Variants in CTNNA3 observed in about 807,000 individuals in gnomAD.
CTNNA3 encodes catenin alpha 3.
A neutral mutation model predicts 95.7 loss-of-function variants in CTNNA3; 76 were observed. The ratio of observed to expected loss-of-function variants is 0.79; its 90% CI spans 0.66 to 0.96. The LOEUF is 0.96. Ranked by LOEUF, CTNNA3 falls within the 40% of genes least tolerant of loss-of-function variation. The pLI is 0.00. For missense variants in CTNNA3, 1,191 were observed against 1,089.8 expected (o/e 1.09, Z -1.31); for synonymous variants, 431 against 374.4 (o/e 1.15, Z -1.74).
At chr10:67,738,398 A>C (rs997591928) in intron 1 of CTNNA3, among the ~76,000 whole-genome samples, 5 of 152,236 alleles carry the variant, frequency 3.3e-5, no homozygotes, top group Non-Finnish European at 5.9e-5. Context: ...AAGGAATAGC[A>C]ACATCAACAA....
At chr10:66,706,954 A>G (rs1848138322) in intron 9 of CTNNA3, among the ~76,000 whole-genome samples, 2 of 152,106 alleles carry the variant, frequency 1.3e-5, no homozygotes, top group Admixed American at 1.3e-4. Context: ...AGACATTGCA[A>G]AACACTATAA....
At chr10:67,047,706 T>C (rs996333949) in intron 7 of CTNNA3, among the ~76,000 whole-genome samples, 5 of 152,146 alleles carry the variant, frequency 3.3e-5, no homozygotes, top group African/African-American at 1.2e-4. Context: ...TTTCACATAC[T>C]AAAATAATTA....
chr10:65,987,483 T>A (rs1375432546), intron 16 of CTNNA3, among the ~76,000 whole-genome samples: 1 of 151,988 alleles, frequency 6.6e-6, no homozygotes, highest in African/African-American at 2.4e-5. Context: ...TAAGATATCA[T>A]CTTACCCCAA....
intron 16 of CTNNA3, among the ~76,000 whole-genome samples, chr10:65,980,104 GA>G (rs2078287784): frequency 6.6e-6 from 1 of 151,910 alleles, no homozygotes; most frequent in African/African-American, 2.4e-5. Context: ...AAAGAAGACA[GA>G]AGGTCCAGAT....
Position 66,189,108 on chromosome 10 carries a change from T to C in CTNNA3, c.1885-85859A>G, listed in dbSNP as rs182928996. The stretch of plus-strand genomic sequence containing the variant: ...TTGCTATCAAGTTGGATAATTCCCA[T>C]ATATATTGGATACTAACACCCAATT... On this transcript the variant is annotated intron_variant, in intron 13 of 17. Transcript: ENST00000433211. Among the ~76,000 whole-genome samples, 1,354 of 152,230 alleles carry C rather than the reference T, an allele frequency of 8.9e-3. 9 individuals carry two copies. The highest frequency in any genetic ancestry group is 0.041 in the Middle Eastern group (12 of 294).
intron 14 of CTNNA3, among the ~76,000 whole-genome samples, chr10:66,100,933 C>T (rs1462340560): frequency 1.3e-5 from 2 of 152,112 alleles, no homozygotes; most frequent in African/African-American, 2.4e-5. Context: ...AAGTCTTCAT[C>T]GTCTACAAGT....
chr10:67,128,936 A>G (rs16924103), intron 7 of CTNNA3, among the ~76,000 whole-genome samples: 3,743 of 152,246 alleles, frequency 0.025, 152 homozygotes, highest in East Asian at 0.14. Context: ...ATACAAGTTG[A>G]AACTAGGCTA....
At position 66,126,726 on chromosome 10, in the gene CTNNA3, TAAAC is replaced by T. The variant is rs559832416; in HGVS notation, c.1885-23481_1885-23478del. On this transcript the variant is annotated intron_variant, in intron 13 of 17. Coordinates refer to ENST00000433211, the MANE Select transcript of CTNNA3 (RefSeq NM_013266.4). ...ATCTGGAATAATTTGAGCAGTAAAA[TAAAC>T]AAAGCAATATGGAATTCTAACCCAA... Among the ~76,000 whole-genome samples, 3 of 152,134 alleles carry T rather than the reference TAAAC, an allele frequency of 2.0e-5. No homozygotes were observed. The South Asian group carries it at 6.2e-4, about 32-fold the overall frequency.
chr10:67,090,035 TA>T (rs2131905664), intron 7 of CTNNA3, among the ~76,000 whole-genome samples: 1 of 152,204 alleles, frequency 6.6e-6, no homozygotes, highest in South Asian at 2.1e-4. Context: ...CACATTTTGT[TA>T]AAAAGAAAAG....
intron 7 of CTNNA3, among the ~76,000 whole-genome samples, chr10:67,113,572 G>T (rs1380857335): frequency 6.6e-6 from 1 of 152,136 alleles, no homozygotes; most frequent in South Asian, 2.1e-4. Flanking sequence ...GTCAGCAAGC[G>T]TTAGAAATGA....
chr10:66,411,976 C>T (rs2093109016), intron 11 of CTNNA3, among the ~76,000 whole-genome samples: 1 of 152,110 alleles, frequency 6.6e-6, no homozygotes, highest in Admixed American at 6.6e-5. Flanking sequence ...TGACCTATCC[C>T]CATCTCCGTC....
rs78748228 is a variant in CTNNA3, at chr10:66,581,346, T to C, written c.1374+40346A>G. On this transcript the variant is annotated intron_variant, in intron 10 of 17. Coordinates refer to ENST00000433211, the MANE Select transcript of CTNNA3 (RefSeq NM_013266.4). ...CTCTTTTCCATAGAGGTTGTACTAA[T>C]GTGTATTTCCACCAGCAGCATATAA... is the stretch of plus-strand genomic sequence containing the variant. 7.0e-3 allele frequency among the ~76,000 whole-genome samples: 1,063 copies of C among 151,802 alleles called. 20 individuals are homozygous for C. The highest frequency in any genetic ancestry group is 0.025 in the African/African-American group (1,027 of 41,476).
chr10:65,945,812 C>A (rs1251382513), intron 17 of CTNNA3, among the ~76,000 whole-genome samples: 6 of 152,098 alleles, frequency 3.9e-5, no homozygotes, highest in Non-Finnish European at 2.9e-5. Flanking sequence ...GGATGTAAAA[C>A]CACTTCTGGT....
chr10:66,311,721 A>C (rs1203505054), intron 12 of CTNNA3, among the ~76,000 whole-genome samples: 1 of 152,212 alleles, frequency 6.6e-6, no homozygotes, highest in Non-Finnish European at 1.5e-5. Flanking sequence ...ACAACTAAAA[A>C]TTTCTACATG....
chr10:66,185,496 G>C (rs964747400), intron 13 of CTNNA3, among the ~76,000 whole-genome samples: 2 of 151,816 alleles, frequency 1.3e-5, no homozygotes, highest in African/African-American at 4.8e-5. Flanking sequence ...TAATAATACT[G>C]CACGAAAAAT....
At chr10:67,046,402 T>A (rs1854746276) in intron 7 of CTNNA3, among the ~76,000 whole-genome samples, 1 of 152,202 alleles carries the variant, frequency 6.6e-6, no homozygotes, top group Non-Finnish European at 1.5e-5. Context: ...CCAGAGTAAC[T>A]GAAACAGGGA....
chr10:67,296,465 T>C (rs1014562026), intron 5 of CTNNA3, among the ~76,000 whole-genome samples: 2 of 152,190 alleles, frequency 1.3e-5, no homozygotes, highest in South Asian at 4.1e-4. Context: ...GATAAAATAT[T>C]TTATAAGTCC....
chr10:66,582,639 T>A (rs1843226960), intron 10 of CTNNA3, among the ~76,000 whole-genome samples: 1 of 151,838 alleles, frequency 6.6e-6, no homozygotes, highest in Non-Finnish European at 1.5e-5. Flanking sequence ...TTATTTCTCT[T>A]GTCTGATTGC....
At chr10:67,137,027 C>T (rs970301630) in intron 7 of CTNNA3, among the ~76,000 whole-genome samples, 9 of 152,122 alleles carry the variant, frequency 5.9e-5, no homozygotes, top group Non-Finnish European at 1.2e-4. Context: ...CCCACCATTT[C>T]GTACTTGCTC....
Sources: allele counts gnomAD v4.1 joint callset (sites outside exome capture counted in the v4.1 genomes callset), GRCh38; gene constraint gnomAD v4.1.1; transcripts MANE v1.5; gene names NCBI Gene and HGNC (gene_info 2026-07-23, HGNC 2026-07-21).